Variants in PAIP2 observed in about 807,000 individuals in gnomAD.
The protein encoded by PAIP2 is polyadenylate-binding protein-interacting protein 2.
Under a neutral mutation model 14.8 loss-of-function variants are expected in PAIP2, and 7 were observed. That is an observed-to-expected ratio of 0.47 (90% confidence interval 0.27 to 0.89). PAIP2 has a LOEUF of 0.89. Ranked by LOEUF, PAIP2 falls within the 40% of genes least tolerant of loss-of-function variation. PAIP2 has a pLI of 0.13. For synonymous variants in PAIP2, 47 were observed against 45.3 expected, an observed-to-expected ratio of 1.04 and a Z score of -0.15; for missense variants, 122 against 154.7, an observed-to-expected ratio of 0.79 and a Z score of 1.12.
At chr5:139,362,405 GTTT>G (rs554669690) in intron 1 of PAIP2, among the ~76,000 whole-genome samples, 5 of 73,942 alleles carry the variant, frequency 6.8e-5, no homozygotes, top group Non-Finnish European at 1.4e-4. Flanking sequence ...GTTTTTGGGT[GTTT>G]TTTTTTTTTT....
At chr5:139,362,851 C>A (rs1161796992) in intron 1 of PAIP2, among the ~76,000 whole-genome samples, 1 of 152,162 alleles carries the variant, frequency 6.6e-6, no homozygotes, top group Non-Finnish European at 1.5e-5. Flanking sequence ...ACCATGCTTG[C>A]TTTACAAAGC....
intron 3 of PAIP2, among the ~76,000 whole-genome samples, chr5:139,367,017 TC>T (rs1421227418): frequency 6.6e-6 from 1 of 152,134 alleles, no homozygotes; most frequent in African/African-American, 2.4e-5. Context: ...CTGTGATTGT[TC>T]CGCTGCCCTC....
chr5:139,355,469 A>G (rs962282190), intron 1 of PAIP2, among the ~76,000 whole-genome samples: 1 of 152,032 alleles, frequency 6.6e-6, no homozygotes, highest in East Asian at 1.9e-4. Context: ...ACCACGGCCC[A>G]CTATTTGTCT....
intron 1 of PAIP2, among the ~76,000 whole-genome samples, chr5:139,357,920 G>C (rs116199910): frequency 0.013 from 2,050 of 152,288 alleles, 45 homozygotes; most frequent in African/African-American, 0.046. Context: ...GCTGCAAATG[G>C]GAGATGGCAC....
At position 139,363,881 on chromosome 5, in the gene PAIP2, G is replaced by C; in HGVS notation, c.97G>C (p.Glu33Gln). Residue 33 changes from glutamate (E) to glutamine (Q), a missense_variant, in exon 2 of 4, where the codon GAG becomes CAG. Coordinates refer to ENST00000265192, the MANE Select transcript of PAIP2 (RefSeq NM_016480.5). Reference sequence around the variant, plus strand: ...TCATGAAGATGACAATCCATTTGCAGAGTACATGTGGATGGAAAATGAAGA... The same window carrying C: ...TCATGAAGATGACAATCCATTTGCACAGTACATGTGGATGGAAAATGAAGA... ...HSHEDDNPFA[E>Q]YMWMENEEEF... 1 of 1,613,620 alleles carries C rather than the reference G, an allele frequency of 6.2e-7. No individual in the cohort carries two copies. The highest frequency in any genetic ancestry group is 8.5e-7 in the Non-Finnish European group (1 of 1,179,586).
chr5:139,365,171 AAATAAAT>A (rs1424604700), intron 3 of PAIP2: 5 of 148,086 alleles, frequency 3.4e-5, no homozygotes, highest in Admixed American at 6.8e-5. Context: ...ATAAATAAAT[AAATAAAT>A]AAATAGAATA....
At chr5:139,365,597 C>CA (rs1475251882) in intron 3 of PAIP2, among the ~76,000 whole-genome samples, 1 of 151,106 alleles carries the variant, frequency 6.6e-6, no homozygotes, top group African/African-American at 2.4e-5. Context: ...ACCTGGAAGG[C>CA]AGAGGTTGCA....
intron 1 of PAIP2, among the ~76,000 whole-genome samples, chr5:139,358,450 T>A (rs1360443300): frequency 2.0e-5 from 3 of 152,170 alleles, no homozygotes; most frequent in Admixed American, 6.6e-5. Flanking sequence ...GCTACCTTTT[T>A]TACTCATTTT....
At chr5:139,357,038 G>A (rs1009727421) in intron 1 of PAIP2, among the ~76,000 whole-genome samples, 1 of 152,146 alleles carries the variant, frequency 6.6e-6, no homozygotes, top group Non-Finnish European at 1.5e-5. Flanking sequence ...CTTTTTGTGT[G>A]TGTGGCCATT....
chr5:139,341,883 G>A lies in PAIP2; in HGVS notation c.-124G>A, dbSNP rs949066615. On this transcript the variant is annotated 5_prime_UTR_variant, in exon 1 of 4. Transcript: ENST00000265192. ...GTTTGGACTGGAGAAGGGAGGCGGCGGGCGAAGCGCACGTCGAGCGGGGGA... is the reference window on the plus strand; with the variant it reads ...GTTTGGACTGGAGAAGGGAGGCGGCAGGCGAAGCGCACGTCGAGCGGGGGA... 2 of 152,898 alleles carry A rather than the reference G, an allele frequency of 1.3e-5. No homozygotes were observed. The highest frequency in any genetic ancestry group is 2.9e-5 in the Non-Finnish European group (2 of 68,240). The allele number at this position is 152,898 out of a possible 1,614,324, so 9.5% of individuals were successfully genotyped here.
intron 1 of PAIP2, among the ~76,000 whole-genome samples, chr5:139,349,091 G>T (rs1756647729): frequency 6.6e-6 from 1 of 152,212 alleles, no homozygotes; most frequent in Non-Finnish European, 1.5e-5. Context: ...ATCTACCAGT[G>T]CTAACTTCCA....
intron 1 of PAIP2, among the ~76,000 whole-genome samples, chr5:139,349,847 C>T (rs906853186): frequency 1.3e-5 from 2 of 151,880 alleles, no homozygotes; most frequent in Admixed American, 6.6e-5. Flanking sequence ...ACTAAAAATA[C>T]AAAAGTTAGC....
chr5:139,363,854 T>C lies in PAIP2; in HGVS notation c.70T>C (p.Ser24Pro). The change falls in exon 2 of 4, where the codon TCT becomes CCT. Residue 24 changes from serine (S) to proline (P), a missense_variant. Ser to Pro is a moderately conservative substitution (Grantham distance 74, BLOSUM62 -1). This residue lies in a region of PAIP2 where 42 missense variants were observed against 36.7 expected (regional missense o/e 1.15). Transcript: ENST00000265192. ...TGAAGATGTGATTATTAACGGTCAT[T>C]CTCATGAAGATGACAATCCATTTGC... is the stretch of plus-strand genomic sequence containing the variant. ...INEDVIINGH[S>P]HEDDNPFAEY... 1 of 1,613,666 alleles carries C rather than the reference T, an allele frequency of 6.2e-7. No individual in the cohort carries two copies. The highest frequency in any genetic ancestry group is 8.5e-7 in the Non-Finnish European group (1 of 1,179,524).
intron 1 of PAIP2, among the ~76,000 whole-genome samples, chr5:139,347,946 C>T (rs58135942): frequency 2.1e-4 from 32 of 152,092 alleles, no homozygotes; most frequent in African/African-American, 7.5e-4. Flanking sequence ...CCGAGGTGGG[C>T]GGATCACCTG....
At chr5:139,361,442 C>T (rs1757064337) in intron 1 of PAIP2, among the ~76,000 whole-genome samples, 1 of 152,122 alleles carries the variant, frequency 6.6e-6, no homozygotes, top group African/African-American at 2.4e-5. Flanking sequence ...GCACAAGTCA[C>T]TATACTGCTT....
Position 139,368,920 on chromosome 5 carries a change from T to C in PAIP2, c.*122T>C. 1 of 679,282 alleles carries C rather than the reference T, an allele frequency of 1.5e-6. No homozygotes were observed. Among genetic ancestry groups the C allele is most frequent in the South Asian group, 1.9e-5 (1 of 52,610 alleles). 42.1% of individuals were successfully genotyped at this position (679,282 alleles called of 1,614,324 possible). A position where few individuals can be genotyped will look rare whatever the true frequency, so the allele number is the denominator to read the frequency against. On this transcript the variant is annotated 3_prime_UTR_variant, in exon 4 of 4. Coordinates refer to ENST00000265192, the MANE Select transcript of PAIP2 (RefSeq NM_016480.5). ...TACACTTATGCATTGCCAAAGTTTT[T>C]GTTAGTCTTGCATGCTTAATAAAAG...
chr5:139,360,587 G>A (rs1164503043), intron 1 of PAIP2, among the ~76,000 whole-genome samples: 1 of 151,870 alleles, frequency 6.6e-6, no homozygotes, highest in Non-Finnish European at 1.5e-5. Flanking sequence ...CCACCTCCCA[G>A]GGTCAGGAGA....
intron 1 of PAIP2, among the ~76,000 whole-genome samples, chr5:139,351,235 TAA>T (rs1756721994): frequency 6.6e-6 from 1 of 152,102 alleles, no homozygotes; most frequent in South Asian, 2.1e-4. Context: ...CTCTTACAGT[TAA>T]AATGCAATGG....
rs755866362 is a variant in PAIP2, at chr5:139,368,713, T to C, written c.319-20T>C. On this transcript the variant is annotated intron_variant, in intron 3 of 3. Coordinates refer to ENST00000265192, the MANE Select transcript of PAIP2 (RefSeq NM_016480.5). ...GAAACTGTGTTAATGAACTTGCTTT[T>C]TTATGTACTTATTTTCCAGGTCAAG... 3.1e-6 allele frequency: 5 copies of C among 1,596,108 alleles called. No homozygotes were observed. Among genetic ancestry groups the C allele is most frequent in the Non-Finnish European group, 4.3e-6 (5 of 1,164,186 alleles).
Sources: allele counts gnomAD v4.1 joint callset (sites outside exome capture counted in the v4.1 genomes callset), GRCh38; gene constraint gnomAD v4.1.1; regional missense constraint gnomAD v4.1.1; transcripts MANE v1.5; gene names NCBI Gene and HGNC (gene_info 2026-07-23, HGNC 2026-07-21).